Variants in CCDC146 observed in about 807,000 individuals in gnomAD.
CCDC146 encodes coiled-coil domain-containing protein 146.
In CCDC146, 92 loss-of-function variants were observed where a neutral mutation model predicts 119.3. That is an observed-to-expected ratio of 0.77 (90% CI 0.65 to 0.92). CCDC146 has a LOEUF of 0.92. CCDC146 is among the 40% of genes least tolerant of loss of function. The pLI is 0.00. For synonymous variants in CCDC146, 372 were observed against 371.8 expected, an observed-to-expected ratio of 1.00 and a Z score of -0.01; for missense variants, 1,000 against 1,103.0, an observed-to-expected ratio of 0.91 and a Z score of 1.32.
intron 1 of CCDC146, among the ~76,000 whole-genome samples, chr7:77,144,487 C>T (rs1257104997): frequency 2.0e-5 from 3 of 151,752 alleles, no homozygotes; most frequent in Admixed American, 6.6e-5. Context: ...GCATCCCTGT[C>T]TTGTACCTGT....
At chr7:77,251,260 T>G (rs546036211) in intron 4 of CCDC146, among the ~76,000 whole-genome samples, 1 of 152,042 alleles carries the variant, frequency 6.6e-6, no homozygotes, top group African/African-American at 2.4e-5. Context: ...GACCTCAAGT[T>G]ATCTGCCCGC....
At chr7:77,199,840 T>C in intron 2 of CCDC146, 1 of 1,571,180 alleles carries the variant, frequency 6.4e-7, no homozygotes, top group Non-Finnish European at 8.6e-7. Flanking sequence ...GGGCTGGAGC[T>C]GCTTTAATAG....
At chr7:77,177,070 A>G (rs80297869) in intron 2 of CCDC146, among the ~76,000 whole-genome samples, 1 of 152,006 alleles carries the variant, frequency 6.6e-6, no homozygotes, top group African/African-American at 2.4e-5. Flanking sequence ...TCCTGGGCTC[A>G]AGTGATCTAC....
intron 1 of CCDC146, among the ~76,000 whole-genome samples, chr7:77,166,895 A>T (rs909863174): frequency 6.6e-6 from 1 of 152,222 alleles, no homozygotes; most frequent in African/African-American, 2.4e-5. Context: ...CAGCAATTAC[A>T]GAAGAACCTC....
At chr7:77,153,972 A>C (rs1791144161) in intron 1 of CCDC146, among the ~76,000 whole-genome samples, 1 of 151,922 alleles carries the variant, frequency 6.6e-6, no homozygotes, top group African/African-American at 2.4e-5. Context: ...ACCATTCGGC[A>C]ATTAAGATAA....
chr7:77,287,128 C>T (rs535941508), intron 16 of CCDC146: 33 of 672,250 alleles, frequency 4.9e-5, no homozygotes, highest in Middle Eastern at 4.0e-4. Flanking sequence ...CCAGTGGTTT[C>T]GAGATTCCAA....
At chr7:77,206,400 T>G (rs1179428880) in intron 2 of CCDC146, among the ~76,000 whole-genome samples, 1 of 152,072 alleles carries the variant, frequency 6.6e-6, no homozygotes, top group African/African-American at 2.4e-5. Flanking sequence ...GCAGATCACT[T>G]GAGGTCAGGA....
At chr7:77,260,678 G>A (rs1673612264) in intron 8 of CCDC146, among the ~76,000 whole-genome samples, 1 of 152,180 alleles carries the variant, frequency 6.6e-6, no homozygotes. Context: ...CCAGGCTGGA[G>A]TGCAGTGGCA....
chr7:77,243,590 A>G (rs1366429234), intron 4 of CCDC146, among the ~76,000 whole-genome samples: 1 of 152,236 alleles, frequency 6.6e-6, no homozygotes, highest in Non-Finnish European at 1.5e-5. Flanking sequence ...TGGTCCCGTA[A>G]CATTATAATG....
intron 3 of CCDC146, 173 bp downstream of exon 3, chr7:77,237,202 C>G: frequency 3.4e-6 from 2 of 591,120 alleles, no homozygotes; most frequent in Non-Finnish European, 6.2e-6. Flanking sequence ...GGAAGTGCGA[C>G]TGGGAAGGAA....
intron 2 of CCDC146, among the ~76,000 whole-genome samples, chr7:77,169,353 C>T (rs894468554): frequency 5.9e-5 from 9 of 152,066 alleles, no homozygotes; most frequent in Non-Finnish European, 1.3e-4. Flanking sequence ...TCCAGATTTA[C>T]CTTTTATTTA....
intron 1 of CCDC146, among the ~76,000 whole-genome samples, chr7:77,158,539 A>G (rs1310248872): frequency 1.3e-5 from 2 of 151,698 alleles, no homozygotes; most frequent in Non-Finnish European, 2.9e-5. Context: ...TTTTGTTTTG[A>G]GACAGAGTTT....
chr7:77,247,305 A>C (rs1434599531), intron 4 of CCDC146, among the ~76,000 whole-genome samples: 2 of 151,702 alleles, frequency 1.3e-5, no homozygotes, highest in Non-Finnish European at 2.9e-5. Flanking sequence ...AAAGACCATA[A>C]GTCACATCTT....
chr7:77,269,985 G>A (rs1348207777), intron 9 of CCDC146, among the ~76,000 whole-genome samples: 1 of 152,154 alleles, frequency 6.6e-6, no homozygotes, highest in African/African-American at 2.4e-5. Flanking sequence ...AACATGAAGA[G>A]CTCTAGCTAT....
chr7:77,155,923 C>T (rs1011356024), intron 1 of CCDC146, among the ~76,000 whole-genome samples: 15 of 151,390 alleles, frequency 9.9e-5, no homozygotes, highest in African/African-American at 3.2e-4. Context: ...TGTAGGTTTC[C>T]GAGAAAAAAG....
rs184971160 is a variant in CCDC146 at position 77,212,820 on chromosome 7, T to A, written c.157-24127T>A. 4.4e-3 allele frequency among the ~76,000 whole-genome samples: 670 copies of A among 151,880 alleles called. 9 individuals are homozygous for A. The highest frequency in any genetic ancestry group is 0.015 in the African/African-American group (632 of 41,450). On this transcript the variant is annotated intron_variant, in intron 2 of 18. Transcript: ENST00000285871. ...GGTAATGTGGTAATGTAATAGAAAA[T>A]TTTTTTTAAGAAGCTGGGCCATTTG... is the stretch of plus-strand genomic sequence containing the variant.
intron 1 of CCDC146, among the ~76,000 whole-genome samples, chr7:77,136,522 T>C (rs1790862536): frequency 6.6e-6 from 1 of 152,092 alleles, no homozygotes; most frequent in Non-Finnish European, 1.5e-5. Flanking sequence ...TTTGATAACT[T>C]AGAAAAAATG....
At chr7:77,242,367 C>G (rs1261943292) in intron 4 of CCDC146, 2 of 990,296 alleles carry the variant, frequency 2.0e-6, no homozygotes, top group African/African-American at 3.5e-5. Flanking sequence ...AGAGCAGCAA[C>G]AGGACCACAT....
chr7:77,169,761 G>A (rs928440539), intron 2 of CCDC146, among the ~76,000 whole-genome samples: 13 of 152,120 alleles, frequency 8.5e-5, no homozygotes, highest in Non-Finnish European at 1.6e-4. Flanking sequence ...GCACAAGAAA[G>A]TGTTCTGGGC....
Sources: allele counts gnomAD v4.1 joint callset (sites outside exome capture counted in the v4.1 genomes callset), GRCh38; gene constraint gnomAD v4.1.1; transcripts MANE v1.5; gene names NCBI Gene and HGNC (gene_info 2026-07-23, HGNC 2026-07-21).